Variants in STK17B observed in about 807,000 individuals in gnomAD.
The protein encoded by STK17B is serine/threonine-protein kinase 17B.
In STK17B, 21 loss-of-function variants were observed where a neutral mutation model predicts 42.0. The ratio of observed to expected loss-of-function variants is 0.50; its 90% confidence interval spans 0.35 to 0.72. The LOEUF is 0.72. Ranked by LOEUF, STK17B falls within the 30% of genes least tolerant of loss-of-function variation. The probability of loss-of-function intolerance (pLI) is 0.00; values close to 1 mark genes in which losing one functional copy is unlikely to be tolerated. For missense variants in STK17B, 349 were observed against 446.0 expected (o/e 0.78, Z 1.96); for synonymous variants, 143 against 148.4 (o/e 0.96, Z 0.26).
chr2:196,134,452 T>C lies in STK17B; in HGVS notation c.*2995A>G, dbSNP rs1699367607. ...CTAGGTTGCATGCTCCTTATGAGAATCTAATGATAAATGTAATGTACTTGA... is the reference window on the plus strand; with the variant it reads ...CTAGGTTGCATGCTCCTTATGAGAACCTAATGATAAATGTAATGTACTTGA... On this transcript the variant is annotated 3_prime_UTR_variant, in exon 8 of 8. Transcript: ENST00000263955. The C allele has an allele frequency of 6.6e-6, 1 of 152,142 alleles. No individual in the cohort carries two copies. The highest frequency in any genetic ancestry group is 1.5e-5 in the Non-Finnish European group (1 of 68,034). The allele number at this position is 152,142 out of a possible 1,614,324, so 9.4% of individuals were successfully genotyped here.
At chr2:196,147,883 C>T (rs886312009) in intron 3 of STK17B, among the ~76,000 whole-genome samples, 1 of 152,046 alleles carries the variant, frequency 6.6e-6, no homozygotes, top group South Asian at 2.1e-4. Context: ...AGGTGCATGC[C>T]ACCACGCCCG....
chr2:196,139,602 A>T lies in STK17B; in HGVS notation c.836+18T>A. On this transcript the variant is annotated intron_variant, in intron 7 of 7. Coordinates refer to ENST00000263955, the MANE Select transcript of STK17B (RefSeq NM_004226.4). ...ACAAATTAAATTTGTAATAGTATTT[A>T]AACAAATTATTACTTACTCTGGATT... 7.5e-7 allele frequency: 1 copy of T among 1,342,224 alleles called. No homozygotes were observed. The highest frequency in any genetic ancestry group is 9.7e-7 in the Non-Finnish European group (1 of 1,035,238). The allele number at this position is 1,342,224 out of a possible 1,614,324, so 83.1% of individuals were successfully genotyped here.
Position 196,143,560 on chromosome 2 carries a change from C to T in STK17B, c.607G>A (p.Ala203Thr). The change falls in exon 5 of 8, where the codon GCT becomes ACT. Residue 203 changes from alanine to threonine, a missense_variant and splice_region_variant. Around this residue, in one of 3 missense-constraint regions of STK17B, gnomAD observed 256 missense variants for 347.7 expected, o/e 0.74. Coordinates refer to ENST00000263955, the MANE Select transcript of STK17B (RefSeq NM_004226.4). ...ATAGAAAATAAAAGGAAATTCTTAC[C>T]TAAATATTCTGGTGTTCCCATGATT... ...REIMGTPEYL[A>T]PEILNYDPIT... The T allele has an allele frequency of 6.3e-7, 1 of 1,588,154 alleles. No homozygotes were observed. The highest frequency in any genetic ancestry group is 8.5e-7 in the Non-Finnish European group (1 of 1,171,092).
At chr2:196,173,063 A>G (rs554646506), upstream of STK17B, among the ~76,000 whole-genome samples, 2 of 152,214 alleles carry the variant, frequency 1.3e-5, no homozygotes, top group Admixed American at 6.5e-5. Context: ...GCTTTTAGCA[A>G]TCTTCTCACA....
At chr2:196,175,021 TGCCACGCACATTG>T (rs1311669214), upstream of STK17B, among the ~76,000 whole-genome samples, 1 of 152,178 alleles carries the variant, frequency 6.6e-6, no homozygotes, top group Non-Finnish European at 1.5e-5. Flanking sequence ...CCAAAAGAAA[TGCCACGCACATTG>T]GCAAATGTTC....
At chr2:196,147,049 G>T (rs1401863415) in intron 3 of STK17B, among the ~76,000 whole-genome samples, 1 of 152,064 alleles carries the variant, frequency 6.6e-6, no homozygotes, top group African/African-American at 2.4e-5. Context: ...ATAACTTAGG[G>T]TCAGTTACTT....
chr2:196,150,972 T>C (rs1312224410), intron 3 of STK17B, among the ~76,000 whole-genome samples: 1 of 152,232 alleles, frequency 6.6e-6, no homozygotes, highest in Non-Finnish European at 1.5e-5. Flanking sequence ...TACGTTATGG[T>C]TGAAATTGTT....
chr2:196,149,821 CAATG>C (rs1333311451), intron 3 of STK17B, among the ~76,000 whole-genome samples: 1 of 152,164 alleles, frequency 6.6e-6, no homozygotes, highest in Non-Finnish European at 1.5e-5. Flanking sequence ...AAATTTAACA[CAATG>C]AATGGGTGTT....
At chr2:196,156,231 T>A (rs997896315) in intron 3 of STK17B, 4 of 422,220 alleles carry the variant, frequency 9.5e-6, no homozygotes, top group African/African-American at 8.1e-5. Flanking sequence ...ATTTGTCATT[T>A]GCTTATTCTG....
intron 3 of STK17B, chr2:196,153,450 C>G (rs906033356): frequency 6.6e-6 from 1 of 152,064 alleles, no homozygotes; most frequent in Non-Finnish European, 1.5e-5. Flanking sequence ...TAGTGGTGGA[C>G]TTGAATTGGA....
rs1699353548 is a variant in STK17B at position 196,133,616 on chromosome 2, G to GTGT, written c.*3830_*3831insACA. The stretch of plus-strand genomic sequence containing the variant: ...CAGATATGTTTATTAGACACAAAGA[G>GTGT]GGTTCATAGATGACCTAGGTCAAAG... On this transcript the variant is annotated 3_prime_UTR_variant, in exon 8 of 8. Coordinates refer to ENST00000263955, the MANE Select transcript of STK17B (RefSeq NM_004226.4). 4.6e-5 allele frequency: 7 copies of GTGT among 152,324 alleles called. No individual in the cohort carries two copies. The South Asian group carries it at 1.4e-3, about 32-fold the overall frequency. The allele number at this position is 152,324 out of a possible 1,614,324, so 9.4% of individuals were successfully genotyped here. A position where few individuals can be genotyped will look rare whatever the true frequency, so the allele number is the denominator to read the frequency against.
chr2:196,147,565 T>C (rs1699594558), intron 3 of STK17B, among the ~76,000 whole-genome samples: 1 of 150,932 alleles, frequency 6.6e-6, no homozygotes, highest in Admixed American at 6.6e-5. Flanking sequence ...CTAAACACAG[T>C]AAGCCAGTTA....
intron 5 of STK17B, among the ~76,000 whole-genome samples, chr2:196,141,919 TAA>T (rs71009078): frequency 9.2e-5 from 14 of 151,452 alleles, no homozygotes; most frequent in Admixed American, 3.9e-4. Context: ...AGCTAGAATT[TAA>T]AAAAAAAATT....
At chr2:196,175,806 A>T (rs1307794408), upstream of STK17B, among the ~76,000 whole-genome samples, 1 of 152,176 alleles carries the variant, frequency 6.6e-6, no homozygotes, top group African/African-American at 2.4e-5. Flanking sequence ...GTGCCTTCTA[A>T]TTGTGTCTAA....
rs1409349861 is a variant in STK17B at position 196,156,466 on chromosome 2, G to A, written c.308C>T (p.Thr103Ile). 1 of 1,613,634 alleles carries A rather than the reference G, an allele frequency of 6.2e-7. No homozygotes were observed. Among genetic ancestry groups the A allele is most frequent in the South Asian group, 1.1e-5 (1 of 91,050 alleles). ...TTCCAATATCAAAATGATTTCACTTGTATTTTCATAGACCTCATGAAGATT... is the reference window on the plus strand; with the variant it reads ...TTCCAATATCAAAATGATTTCACTTATATTTTCATAGACCTCATGAAGATT... ...VINLHEVYEN[T>I]SEIILILEYA... is the part of the protein sequence containing the mutation. Residue 103 changes from threonine to isoleucine, a missense_variant, in exon 3 of 8, where the codon ACA becomes ATA. Around this residue, in one of 3 missense-constraint regions of STK17B, gnomAD observed 256 missense variants for 347.7 expected, o/e 0.74. Transcript: ENST00000263955.
intron 3 of STK17B, among the ~76,000 whole-genome samples, chr2:196,152,516 A>G (rs1699679784): frequency 6.6e-6 from 1 of 152,244 alleles, no homozygotes; most frequent in Non-Finnish European, 1.5e-5. Context: ...TCATTCTTCT[A>G]GGAATTTACT....
chr2:196,141,648 C>A (rs1410078757), intron 5 of STK17B, among the ~76,000 whole-genome samples: 2 of 152,144 alleles, frequency 1.3e-5, no homozygotes, highest in African/African-American at 4.8e-5. Flanking sequence ...AAGAGTGAGA[C>A]TCTGTCTCGG....
intron 7 of STK17B, among the ~76,000 whole-genome samples, chr2:196,139,198 T>A (rs1468513872): frequency 6.6e-6 from 1 of 151,960 alleles, no homozygotes; most frequent in East Asian, 1.9e-4. Flanking sequence ...TCTCCTGACC[T>A]CGTGATCCAT....
At chr2:196,158,928 T>C (rs559241781) in intron 2 of STK17B, among the ~76,000 whole-genome samples, 2 of 151,794 alleles carry the variant, frequency 1.3e-5, no homozygotes, top group East Asian at 2.0e-4. Flanking sequence ...GGAGAATCAC[T>C]TGAACTCGGC....
Sources: allele counts gnomAD v4.1 joint callset (sites outside exome capture counted in the v4.1 genomes callset), GRCh38; gene constraint gnomAD v4.1.1; regional missense constraint gnomAD v4.1.1; transcripts MANE v1.5; gene names NCBI Gene and HGNC (gene_info 2026-07-23, HGNC 2026-07-21).